SLC38A8: variants seen among roughly 807,000 people sequenced by gnomAD.
The protein encoded by SLC38A8 is amino acid transporter SLC38A8.
A neutral mutation model predicts 46.0 loss-of-function variants in SLC38A8; 65 were observed. The observed-to-expected ratio is 1.41, with a 90% CI of 1.16 to 1.74. SLC38A8 has a LOEUF of 1.74. SLC38A8 is among the 40% of genes most tolerant of loss of function. The probability of loss-of-function intolerance (pLI) is 0.00; values close to 1 mark genes in which losing one functional copy is unlikely to be tolerated. For missense variants in SLC38A8, 998 were observed against 567.9 expected (o/e 1.76, Z -7.70); for synonymous variants, 447 against 243.7 (o/e 1.83, Z -7.77).
At chr16:84,027,135 A>C (rs111466184) in intron 6 of SLC38A8, among the ~76,000 whole-genome samples, 1,671 of 152,266 alleles carry the variant, frequency 0.011, 35 homozygotes, top group African/African-American at 0.037. Flanking sequence ...GCAGATCAAA[A>C]GGTTAAGAGA....
chr16:84,028,210 G>A (rs1424681383), intron 6 of SLC38A8, among the ~76,000 whole-genome samples: 1 of 152,140 alleles, frequency 6.6e-6, no homozygotes, highest in Non-Finnish European at 1.5e-5. Flanking sequence ...ATTTTACTTT[G>A]GAATGGTTTT....
intron 6 of SLC38A8, among the ~76,000 whole-genome samples, chr16:84,023,144 C>T (rs1272493706): frequency 8.3e-6 from 1 of 120,370 alleles, no homozygotes; most frequent in Non-Finnish European, 2.0e-5. Context: ...GCATTCCTTT[C>T]CTTATTTTTT....
chr16:84,023,769 C>G (rs564490590), intron 6 of SLC38A8, among the ~76,000 whole-genome samples: 1 of 152,216 alleles, frequency 6.6e-6, no homozygotes, highest in African/African-American at 2.4e-5. Context: ...TAATGAGCAC[C>G]TGTAATCCCA....
chr16:84,038,573 C>T lies in SLC38A8; in HGVS notation c.190-1673G>A, dbSNP rs576055368. Among the ~76,000 whole-genome samples, 279 of 152,298 alleles carry T rather than the reference C, an allele frequency of 1.8e-3. 1 individual carries two copies. Among genetic ancestry groups the T allele is most frequent in the African/African-American group, 6.4e-3 (266 of 41,560 alleles). On this transcript the variant is annotated intron_variant, in intron 2 of 10. Coordinates refer to ENST00000299709, the MANE Select transcript of SLC38A8 (RefSeq NM_001080442.3). ...GCTTGATGTTTGTTCATTCACCGGC[C>T]TTTTCTCTTGTAGGGTGAATATTTA... is the stretch of plus-strand genomic sequence containing the variant.
chr16:84,027,075 G>C (rs1286458671), intron 6 of SLC38A8, among the ~76,000 whole-genome samples: 2 of 152,204 alleles, frequency 1.3e-5, no homozygotes, highest in African/African-American at 2.4e-5. Context: ...AAACCAGCCA[G>C]GCACAGTGGC....
At chr16:84,037,020 C>G in intron 2 of SLC38A8, 120 bp from the exon 3 acceptor site, 1 of 1,038,944 alleles carries the variant, frequency 9.6e-7, no homozygotes, top group Non-Finnish European at 1.4e-6. Context: ...AGGGCTGCTG[C>G]CAACATGGGG....
rs1324861877 is a variant in SLC38A8 at position 84,036,836 on chromosome 16, T to C, written c.254A>G (p.Gln85Arg). Residue 85 changes from glutamine to arginine, a missense_variant, in exon 3 of 11, where the codon CAG (glutamine) becomes CGG (arginine). By Grantham distance (43) the Gln-to-Arg change is conservative. Coordinates refer to ENST00000299709, the MANE Select transcript of SLC38A8 (RefSeq NM_001080442.3). ...ILGYAAAVSG[Q>R]ATYQGVVRGL... ...CCTGACCACACCCTGGTAGGTGGCC[T>C]GGCCACTGACAGCAGCAGCATAGCC... 6.2e-7 allele frequency: 1 copy of C among 1,613,822 alleles called. No individual in the cohort carries two copies. The highest frequency in any genetic ancestry group is 8.5e-7 in the Non-Finnish European group (1 of 1,180,018).
intron 7 of SLC38A8, among the ~76,000 whole-genome samples, chr16:84,018,071 A>G (rs1387584494): frequency 3.3e-5 from 5 of 152,258 alleles, no homozygotes; most frequent in Admixed American, 3.3e-4. Context: ...CATCTCATAA[A>G]GAAAAGAAAC....
intron 4 of SLC38A8, among the ~76,000 whole-genome samples, chr16:84,032,897 TGTGGGTGGGTGAGCATGG>T (rs1185477499): frequency 7.2e-6 from 1 of 139,420 alleles, no homozygotes; most frequent in Non-Finnish European, 1.5e-5. Context: ...GGGGTGCATG[TGTGGGTGGGTGAGCATGG>T]GTGGGTGTGG....
At chr16:84,033,148 T>C (rs1267827564) in intron 4 of SLC38A8, among the ~76,000 whole-genome samples, 180 bp downstream of exon 4, 2 of 152,230 alleles carry the variant, frequency 1.3e-5, no homozygotes, top group Non-Finnish European at 1.5e-5. Context: ...ATTTTCTTCT[T>C]TAGGCTCATC....
rs1203200123 is a variant in SLC38A8 at position 84,009,708 on chromosome 16, G to C, written c.*76C>G. The C allele has an allele frequency of 1.6e-6, 2 of 1,241,392 alleles. No individual in the cohort carries two copies. The highest frequency in any genetic ancestry group is 2.4e-5 in the Admixed American group (1 of 42,476). The allele number at this position is 1,241,392 out of a possible 1,614,324, so 76.9% of individuals were successfully genotyped here. A position where few individuals can be genotyped will look rare whatever the true frequency, so the allele number is the denominator to read the frequency against. ...CTTTATGAGGAAAAGAAATGGCATC[G>C]GTCTCCTGGCTGCATACAGCAGCCA... On this transcript the variant is annotated 3_prime_UTR_variant, in exon 11 of 11. Transcript: ENST00000299709.
Position 84,017,166 on chromosome 16 carries a change from G to A in SLC38A8, c.927C>T (p.Val309=). Residue 309 remains valine, a synonymous_variant, in exon 8 of 11, where the codon GTC becomes GTT. Transcript: ENST00000299709. ...RVLFAVSIVT[V]YPIVLFLGRS... is the part of the protein sequence containing the mutation. ...TCCCCAGGAAGAGCACGATGGGGTA[G>A]ACAGTTACGATGGAGACAGCAAAAA... 1.2e-6 allele frequency: 2 copies of A among 1,614,156 alleles called. No individual in the cohort carries two copies. The highest frequency in any genetic ancestry group is 1.7e-6 in the Non-Finnish European group (2 of 1,180,032).
upstream of SLC38A8, among the ~76,000 whole-genome samples, chr16:84,042,906 G>A (rs1309475208): frequency 6.6e-6 from 1 of 152,186 alleles, no homozygotes; most frequent in East Asian, 1.9e-4. Context: ...CCTGGAGGGT[G>A]ACAGGGAGCT....
intron 9 of SLC38A8, among the ~76,000 whole-genome samples, chr16:84,015,315 G>T (rs77675618): frequency 0.011 from 1,672 of 152,146 alleles, 44 homozygotes; most frequent in African/African-American, 0.038. Flanking sequence ...CACCTTGCTG[G>T]CTTCCCCTTC....
intron 9 of SLC38A8, among the ~76,000 whole-genome samples, chr16:84,013,646 G>C (rs2084985839): frequency 6.6e-6 from 1 of 151,516 alleles, no homozygotes; most frequent in Non-Finnish European, 1.5e-5. Context: ...GGTCAGGATG[G>C]TCTGGACCTC....
intron 9 of SLC38A8, among the ~76,000 whole-genome samples, chr16:84,013,420 GTGTGTTT>G (rs2084977969): frequency 3.2e-5 from 3 of 94,622 alleles, no homozygotes; most frequent in African/African-American, 2.3e-4. Flanking sequence ...TTTGTTGTGT[GTGTGTTT>G]TTTTTTTTTT....
chr16:84,040,472 G>C (rs1466045711), intron 2 of SLC38A8, among the ~76,000 whole-genome samples: 2 of 152,224 alleles, frequency 1.3e-5, no homozygotes, highest in Non-Finnish European at 2.9e-5. Flanking sequence ...AGCAAGATCT[G>C]TGTGAAATGC....
rs148066478 is a variant in SLC38A8, at chr16:84,030,178, C to G, written c.633-627G>C. Reference sequence around the variant, plus strand: ...GGATGAAGGCCAAGACCCAGTGATCCGTCTATCAGCCAAGGAACACAGATC... The same window carrying G: ...GGATGAAGGCCAAGACCCAGTGATCGGTCTATCAGCCAAGGAACACAGATC... On this transcript the variant is annotated intron_variant, in intron 5 of 10. Transcript: ENST00000299709. Among the ~76,000 whole-genome samples the G allele has an allele frequency of 2.1e-3, 318 of 152,218 alleles. 2 individuals are homozygous for G. The highest frequency in any genetic ancestry group is 7.5e-3 in the African/African-American group (313 of 41,544).
Sources: gnomAD v4.1 joint callset for allele counts (sites outside exome capture counted in the v4.1 genomes callset) on GRCh38, gnomAD v4.1.1 for gene constraint, MANE v1.5 for transcripts, NCBI Gene and HGNC (gene_info 2026-07-23, HGNC 2026-07-21) for gene names.